KHDRBS2: variants seen among roughly 807,000 people sequenced by gnomAD.
KHDRBS2 encodes KH domain-containing, RNA-binding, signal transduction-associated protein 2.
Under a neutral mutation model 44.3 loss-of-function variants are expected in KHDRBS2, and 26 were observed. The observed-to-expected ratio is 0.59, with a 90% CI of 0.43 to 0.81. KHDRBS2 has a LOEUF of 0.81. KHDRBS2 is among the 40% of genes least tolerant of loss of function. The probability of loss-of-function intolerance (pLI) is 0.00; values close to 1 mark genes in which losing one functional copy is unlikely to be tolerated. For missense variants in KHDRBS2, 476 were observed against 433.1 expected, an observed-to-expected ratio of 1.10 and a Z score of -0.88; for synonymous variants, 194 against 151.1, an observed-to-expected ratio of 1.28 and a Z score of -2.08.
chr6:61,747,996 A>T (rs1351756478), intron 6 of KHDRBS2, among the ~76,000 whole-genome samples: 1 of 152,030 alleles, frequency 6.6e-6, no homozygotes, highest in Non-Finnish European at 1.5e-5. Context: ...TCTGATCCTT[A>T]ATATTCTTTT....
intron 3 of KHDRBS2, among the ~76,000 whole-genome samples, chr6:61,997,418 C>T (rs550013086): frequency 7.2e-5 from 11 of 152,254 alleles, no homozygotes; most frequent in Middle Eastern, 6.8e-3. Context: ...AGTAGTATCA[C>T]TGATATTCTG....
At chr6:61,560,327 T>A in the KHDRBS2 span, among the ~76,000 whole-genome samples, 1 of 152,154 alleles carries the variant, frequency 6.6e-6, no homozygotes, top group Non-Finnish European at 1.5e-5. Flanking sequence ...ATCAACTTCC[T>A]TGTACTGGAA....
intron 1 of KHDRBS2, among the ~76,000 whole-genome samples, chr6:62,248,437 C>T (rs908530565): frequency 6.6e-6 from 1 of 151,990 alleles, no homozygotes; most frequent in Admixed American, 6.6e-5. Flanking sequence ...CAGCTCACTG[C>T]AACCTCTACC....
intron 2 of KHDRBS2, among the ~76,000 whole-genome samples, chr6:62,051,014 A>G (rs1340754717): frequency 1.3e-5 from 2 of 152,066 alleles, no homozygotes; most frequent in Non-Finnish European, 2.9e-5. Flanking sequence ...ATAAAAGAAT[A>G]CATTATGTTA....
At chr6:61,601,174 C>T in the KHDRBS2 span, among the ~76,000 whole-genome samples, 16 of 152,030 alleles carry the variant, frequency 1.1e-4, no homozygotes, top group Non-Finnish European at 2.1e-4. Context: ...CCTTTCTCTC[C>T]ATTTCTCTAC....
chr6:61,795,603 TTTTA>T (rs1234458907), intron 6 of KHDRBS2, among the ~76,000 whole-genome samples: 17 of 152,312 alleles, frequency 1.1e-4, no homozygotes, highest in Middle Eastern at 3.4e-3. Flanking sequence ...TTTGTTCTAG[TTTTA>T]TTTCTCTTCC....
chr6:61,733,442 A>C (rs1289412993), intron 6 of KHDRBS2, among the ~76,000 whole-genome samples: 1 of 151,906 alleles, frequency 6.6e-6, no homozygotes, highest in Non-Finnish European at 1.5e-5. Context: ...AAATACAAAA[A>C]AATTTAGCCA....
At chr6:62,089,495 C>T (rs1482851330) in intron 2 of KHDRBS2, among the ~76,000 whole-genome samples, 2 of 152,112 alleles carry the variant, frequency 1.3e-5, no homozygotes, top group Non-Finnish European at 2.9e-5. Context: ...TCCCTGACCC[C>T]TTGCACTTTT....
the KHDRBS2 span, among the ~76,000 whole-genome samples, chr6:61,584,934 T>G: frequency 3.3e-5 from 5 of 151,976 alleles, no homozygotes; most frequent in African/African-American, 1.2e-4. Flanking sequence ...CTGTTGCAAA[T>G]TTTCTTTTTC....
intron 1 of KHDRBS2, among the ~76,000 whole-genome samples, chr6:62,179,527 T>C (rs1030081766): frequency 1.3e-5 from 2 of 151,764 alleles, no homozygotes; most frequent in Non-Finnish European, 3.0e-5. Context: ...GAATAAACTT[T>C]TGATCACTGC....
rs9346272 is a variant in KHDRBS2 at position 62,258,682 on chromosome 6, T to C, written c.91+27176A>G. Among the ~76,000 whole-genome samples, 7 of 152,206 alleles carry C rather than the reference T, an allele frequency of 4.6e-5. No homozygotes were observed. In the East Asian group the frequency reaches 1.4e-3, roughly 30 times the overall value. On this transcript the variant is annotated intron_variant, in intron 1 of 8. Coordinates refer to ENST00000281156, the MANE Select transcript of KHDRBS2 (RefSeq NM_152688.4). The stretch of plus-strand genomic sequence containing the variant: ...ATTAAATATAAATGAATTTCATGAT[T>C]AGAGTTGAGTTTTAGCCCTAAGATA...
intron 3 of KHDRBS2, among the ~76,000 whole-genome samples, chr6:61,980,846 T>A (rs1255485040): frequency 6.6e-6 from 1 of 152,206 alleles, no homozygotes; most frequent in African/African-American, 2.4e-5. Context: ...TAAGCCAGTT[T>A]CAGCCAGCTT....
At chr6:61,603,882 C>T in the KHDRBS2 span, among the ~76,000 whole-genome samples, 371 of 152,196 alleles carry the variant, frequency 2.4e-3, 2 homozygotes, top group African/African-American at 8.6e-3. Flanking sequence ...CACCCCATTT[C>T]CCCATATTTC....
chr6:61,660,143 A>G, the KHDRBS2 span, among the ~76,000 whole-genome samples: 1 of 151,864 alleles, frequency 6.6e-6, no homozygotes. Flanking sequence ...ACCAGGACGT[A>G]TGGTCACTTT....
At chr6:61,851,769 G>A (rs1429055641) in intron 6 of KHDRBS2, among the ~76,000 whole-genome samples, 2 of 152,120 alleles carry the variant, frequency 1.3e-5, no homozygotes, top group East Asian at 1.9e-4. Flanking sequence ...TAATACAGAT[G>A]TGTTAAAAAA....
intron 2 of KHDRBS2, among the ~76,000 whole-genome samples, chr6:62,166,846 C>T (rs1475558070): frequency 6.6e-6 from 1 of 151,946 alleles, no homozygotes; most frequent in African/African-American, 2.4e-5. Flanking sequence ...AAAGAAATAG[C>T]AGAAGATCCA....
At chr6:62,262,384 G>A (rs746716581) in intron 1 of KHDRBS2, among the ~76,000 whole-genome samples, 5 of 151,616 alleles carry the variant, frequency 3.3e-5, no homozygotes, top group African/African-American at 1.2e-4. Flanking sequence ...ATATAACCAG[G>A]TGAAATTAAC....
At chr6:62,078,843 A>G (rs2127352696) in intron 2 of KHDRBS2, among the ~76,000 whole-genome samples, 1 of 152,178 alleles carries the variant, frequency 6.6e-6, no homozygotes, top group South Asian at 2.1e-4. Flanking sequence ...AGAGACAATC[A>G]ATATGTTTTG....
chr6:61,736,643 G>T (rs962063146), intron 6 of KHDRBS2, among the ~76,000 whole-genome samples: 2 of 151,990 alleles, frequency 1.3e-5, no homozygotes, highest in Non-Finnish European at 2.9e-5. Context: ...TGAGCAGGGA[G>T]GTACAAGAAC....
Sources: gnomAD v4.1 joint callset for allele counts (sites outside exome capture counted in the v4.1 genomes callset) on GRCh38, gnomAD v4.1.1 for gene constraint, MANE v1.5 for transcripts, NCBI Gene and HGNC (gene_info 2026-07-23, HGNC 2026-07-21) for gene names.